The following PCDHA10 variants were observed in gnomAD, a reference collection of about 807,000 sequenced individuals.
PCDHA10 encodes protocadherin alpha-10.
Under a neutral mutation model 61.2 loss-of-function variants are expected in PCDHA10, and 45 were observed. That is an observed-to-expected ratio of 0.74 (90% CI 0.58 to 0.94). PCDHA10 has a LOEUF of 0.94. PCDHA10 is among the 40% of genes least tolerant of loss of function. The probability of loss-of-function intolerance (pLI) is 0.00; values close to 1 mark genes in which losing one functional copy is unlikely to be tolerated. For missense variants in PCDHA10, 1,278 were observed against 1,236.2 expected (o/e 1.03, Z -0.51); for synonymous variants, 602 against 548.8 (o/e 1.10, Z -1.35).
chr5:140,882,453 G>A, intron 1 of PCDHA10: 3 of 1,614,042 alleles, frequency 1.9e-6, no homozygotes, highest in Non-Finnish European at 2.5e-6. Flanking sequence ...CTGGTGCCGC[G>A]CCTGTTCCGG....
intron 1 of PCDHA10, chr5:140,869,050 A>T: frequency 1.3e-6 from 2 of 1,533,074 alleles, no homozygotes; most frequent in South Asian, 2.6e-5. Context: ...GAAACTGAAG[A>T]ATCTGGTACT....
rs563116049 is a variant in PCDHA10, at chr5:140,869,756, G to A, written c.2388+11320G>A. ...TTGCTGCTAACAGCTACAGACGGGGGAAAACCAGAGCTTACTGGCACCGTT... is the reference window on the plus strand; with the variant it reads ...TTGCTGCTAACAGCTACAGACGGGGAAAAACCAGAGCTTACTGGCACCGTT... On this transcript the variant is annotated intron_variant, in intron 1 of 3. Coordinates refer to ENST00000307360, the MANE Select transcript of PCDHA10 (RefSeq NM_018901.4). The A allele has an allele frequency of 3.2e-5, 51 of 1,613,194 alleles. No individual in the cohort carries two copies. Among genetic ancestry groups the A allele is most frequent in the Non-Finnish European group, 4.0e-5 (47 of 1,179,718 alleles).
At chr5:140,967,519 C>T (rs147791062) in intron 1 of PCDHA10, 1 of 1,612,804 alleles carries the variant, frequency 6.2e-7, no homozygotes, top group Non-Finnish European at 8.5e-7. Flanking sequence ...TGGACACTAA[C>T]GACAACTCTC....
chr5:140,883,083 G>A (rs267600402), intron 1 of PCDHA10: 8 of 1,614,082 alleles, frequency 5.0e-6, no homozygotes, highest in Non-Finnish European at 6.8e-6. Flanking sequence ...CCTGATGATG[G>A]TACAAATGGA....
intron 3 of PCDHA10, among the ~76,000 whole-genome samples, chr5:141,008,307 G>A (rs1212029861): frequency 2.0e-5 from 3 of 152,176 alleles, no homozygotes; most frequent in Admixed American, 1.3e-4. Context: ...ACCCTAAACT[G>A]TAATTGAACA....
rs577838197 is a variant in PCDHA10, at chr5:140,982,551, A to G, written c.2524A>G (p.Ser842Gly). 28 of 1,614,198 alleles carry G rather than the reference A, an allele frequency of 1.7e-5. No individual in the cohort carries two copies. Among genetic ancestry groups the G allele is most frequent in the South Asian group, 1.2e-4 (11 of 91,088 alleles). The change falls in exon 3 of 4, where the codon AGT (serine) becomes GGT (glycine). Residue 842 changes from serine (S) to glycine (G), a missense_variant. Coordinates refer to ENST00000307360, the MANE Select transcript of PCDHA10 (RefSeq NM_018901.4). ...GPDQQWPTVS[S>G]ATPEPEAGEV... is the part of the protein sequence containing the mutation. ...TGATCAGCAGTGGCCAACAGTATCC[A>G]GTGCAACACCAGGTAAAGAGCTGGG... is the stretch of plus-strand genomic sequence containing the variant.
Position 140,896,030 on chromosome 5 carries a change from C to T in PCDHA10, c.2388+37594C>T, listed in dbSNP as rs180907288. On this transcript the variant is annotated intron_variant, in intron 1 of 3. Transcript: ENST00000307360. ...TTCTCCATGTTGGCCAGGCTGGTCT[C>T]GAACTCCTGACCTCAGGTGATCCGC... Among the ~76,000 whole-genome samples, 1,221 of 152,240 alleles carry T rather than the reference C, an allele frequency of 8.0e-3. 6 individuals are homozygous for T. The highest frequency in any genetic ancestry group is 0.019 in the African/African-American group (785 of 41,560).
At chr5:140,999,894 G>A (rs1260070986) in intron 3 of PCDHA10, among the ~76,000 whole-genome samples, 3 of 152,096 alleles carry the variant, frequency 2.0e-5, no homozygotes, top group African/African-American at 7.2e-5. Flanking sequence ...TGTAGCTTGG[G>A]ACACCAAACA....
At chr5:140,960,440 T>C (rs1304890095) in intron 1 of PCDHA10, among the ~76,000 whole-genome samples, 1 of 152,164 alleles carries the variant, frequency 6.6e-6, no homozygotes, top group Admixed American at 6.5e-5. Flanking sequence ...ACTCTAGATA[T>C]ATGTATGGAT....
At chr5:141,006,837 TG>T (rs1477008780) in intron 3 of PCDHA10, among the ~76,000 whole-genome samples, 2 of 152,186 alleles carry the variant, frequency 1.3e-5, no homozygotes, top group African/African-American at 4.8e-5. Context: ...TGTAATTTAC[TG>T]AAACTGGAAA....
chr5:140,989,665 T>C (rs2097353443), intron 3 of PCDHA10, among the ~76,000 whole-genome samples: 1 of 152,190 alleles, frequency 6.6e-6, no homozygotes, highest in Non-Finnish European at 1.5e-5. Context: ...TAAAAGAAAC[T>C]CTGCCCAGAT....
chr5:140,945,596 T>C (rs2093812585), intron 1 of PCDHA10, among the ~76,000 whole-genome samples: 1 of 152,060 alleles, frequency 6.6e-6, no homozygotes, highest in Admixed American at 6.6e-5. Context: ...ACTTCAAAGC[T>C]ATAATAATCA....
chr5:140,891,122 G>T (rs572236105), intron 1 of PCDHA10, among the ~76,000 whole-genome samples: 1 of 152,256 alleles, frequency 6.6e-6, no homozygotes, highest in East Asian at 1.9e-4. Context: ...CAATCTAAAT[G>T]TCATTCCTTT....
At chr5:140,968,722 T>C (rs1379540261) in intron 1 of PCDHA10, 2 of 1,613,846 alleles carry the variant, frequency 1.2e-6, no homozygotes, top group Admixed American at 1.7e-5. Context: ...GAGATGAGAG[T>C]GGTAGCACTT....
At position 140,883,249 on chromosome 5, in the gene PCDHA10, T is replaced by A. The variant is rs145815075; in HGVS notation, c.2388+24813T>A. On this transcript the variant is annotated intron_variant, in intron 1 of 3. Transcript: ENST00000307360. ...CCGTGGAGGCAGTTGACAAAGGAAA[T>A]ATTCCAATGGCGGGTCATTGTACCC... The A allele has an allele frequency of 5.1e-4, 830 of 1,613,870 alleles. 7 individuals carry two copies. In the African/African-American group the frequency reaches 9.0e-3, roughly 18 times the overall value.
chr5:140,861,903 A>G (rs115177043), intron 1 of PCDHA10: 3,607 of 155,014 alleles, frequency 0.023, 51 homozygotes, highest in Middle Eastern at 0.034. Flanking sequence ...AAAGCATTAT[A>G]TATCACAGCG....
intron 1 of PCDHA10, among the ~76,000 whole-genome samples, chr5:140,972,955 C>T (rs1450892735): frequency 6.6e-6 from 1 of 152,080 alleles, no homozygotes; most frequent in African/African-American, 2.4e-5. Context: ...AGCCACCATG[C>T]CCGGCAAAGG....
chr5:141,011,509 G>C lies in PCDHA10; in HGVS notation c.*1572G>C, dbSNP rs2098420853. ...TTTTGTACACCTGTGAAAAAGTGGA[G>C]TAGTGTTTTTTTAACCATTGTTAAT... is the stretch of plus-strand genomic sequence containing the variant. On this transcript the variant is annotated 3_prime_UTR_variant, in exon 4 of 4. Coordinates refer to ENST00000307360, the MANE Select transcript of PCDHA10 (RefSeq NM_018901.4). The C allele has an allele frequency of 6.5e-6, 1 of 153,760 alleles. No individual in the cohort carries two copies. The highest frequency in any genetic ancestry group is 1.5e-5 in the Non-Finnish European group (1 of 68,040). The allele number at this position is 153,760 out of a possible 1,614,324, so 9.5% of individuals were successfully genotyped here.
chr5:140,897,727 T>G (rs1468942464), intron 1 of PCDHA10, among the ~76,000 whole-genome samples: 1 of 152,148 alleles, frequency 6.6e-6, no homozygotes, highest in Non-Finnish European at 1.5e-5. Context: ...CTGGGTCAAA[T>G]AGTATTTCTA....
Sources: gnomAD v4.1 joint callset for allele counts (sites outside exome capture counted in the v4.1 genomes callset) on GRCh38, gnomAD v4.1.1 for gene constraint, MANE v1.5 for transcripts, NCBI Gene and HGNC (gene_info 2026-07-23, HGNC 2026-07-21) for gene names.